The following ANTXR1 variants were observed in gnomAD, a reference collection of about 807,000 sequenced individuals.
ANTXR1 encodes ANTXR cell adhesion molecule 1, also known as anthrax toxin receptor 1.
In ANTXR1, 19 loss-of-function variants were observed where a neutral mutation model predicts 78.1. The ratio of observed to expected loss-of-function variants is 0.24; its 90% CI spans 0.17 to 0.36. The LOEUF is 0.36. Among genes scored for constraint, ANTXR1 ranks in the 10% least tolerant of loss-of-function variants. The pLI is 1.00. For synonymous variants in ANTXR1, 273 were observed against 260.5 expected, an observed-to-expected ratio of 1.05 and a Z score of -0.46; for missense variants, 518 against 718.6, an observed-to-expected ratio of 0.72 and a Z score of 3.19.
At position 69,225,971 on chromosome 2, in the gene ANTXR1, A is replaced by G. The variant is rs114863779; in HGVS notation, c.1435-19254A>G. Among the ~76,000 whole-genome samples the G allele has an allele frequency of 3.5e-3, 530 of 152,298 alleles. 4 individuals are homozygous for G. The highest frequency in any genetic ancestry group is 0.012 in the African/African-American group (506 of 41,544). On this transcript the variant is annotated intron_variant, in intron 17 of 17. Coordinates refer to ENST00000303714, the MANE Select transcript of ANTXR1 (RefSeq NM_032208.3). ...CTATTGGGCTTTTTGCTTATTCATA[A>G]TTTCAACCACTGCATAGCTAAGACT...
chr2:69,075,778 C>A, intron 7 of ANTXR1, 120 bp downstream of exon 7: 1 of 938,794 alleles, frequency 1.1e-6, no homozygotes, highest in Non-Finnish European at 1.7e-6. Context: ...GGTTATTTTT[C>A]TAGAAATGCT....
intron 17 of ANTXR1, among the ~76,000 whole-genome samples, chr2:69,237,367 C>T (rs896510584): frequency 6.6e-6 from 1 of 152,136 alleles, no homozygotes; most frequent in South Asian, 2.1e-4. Flanking sequence ...AAAAGGGAGC[C>T]GAGAAGGATC....
chr2:69,178,074 C>T (rs1014217603), intron 14 of ANTXR1, among the ~76,000 whole-genome samples: 2 of 152,270 alleles, frequency 1.3e-5, no homozygotes, highest in South Asian at 4.1e-4. Flanking sequence ...CCTTGAAGGG[C>T]AGTGTAGGAG....
chr2:69,132,680 T>A (rs35461269), intron 12 of ANTXR1, among the ~76,000 whole-genome samples: 28,719 of 152,208 alleles, frequency 0.19, 3,187 homozygotes, highest in East Asian at 0.42. Context: ...ATCAAGTGGG[T>A]AGCTGTCTTT....
intron 12 of ANTXR1, among the ~76,000 whole-genome samples, chr2:69,148,916 G>A (rs748225365): frequency 6.6e-6 from 1 of 152,158 alleles, no homozygotes; most frequent in Non-Finnish European, 1.5e-5. Context: ...GTATTTCCTG[G>A]TTCTGCTCAA....
At chr2:69,167,391 G>A (rs1673857033) in intron 13 of ANTXR1, among the ~76,000 whole-genome samples, 1 of 152,222 alleles carries the variant, frequency 6.6e-6, no homozygotes, top group Admixed American at 6.5e-5. Flanking sequence ...GCTCCTCCAG[G>A]CAACACAGAC....
chr2:69,198,392 C>T (rs1408972700), intron 17 of ANTXR1, among the ~76,000 whole-genome samples: 2 of 152,080 alleles, frequency 1.3e-5, no homozygotes, highest in African/African-American at 2.4e-5. Flanking sequence ...TGACTTGGCT[C>T]ATTTTTCCAC....
intron 16 of ANTXR1, among the ~76,000 whole-genome samples, chr2:69,186,930 C>T (rs1468226652): frequency 6.6e-6 from 1 of 152,156 alleles, no homozygotes; most frequent in Admixed American, 6.5e-5. Context: ...GTGACCCATC[C>T]ACTCGCTGCC....
intron 8 of ANTXR1, among the ~76,000 whole-genome samples, chr2:69,083,103 G>A (rs532532887): frequency 3.9e-5 from 6 of 152,276 alleles, no homozygotes; most frequent in Non-Finnish European, 8.8e-5. Context: ...GGGAAGCAAT[G>A]TAATCCCCTA....
In ANTXR1 at chr2:69,136,919, C is replaced by T. The variant is rs565295449; in HGVS notation, c.951+12276C>T. Among the ~76,000 whole-genome samples, 31 of 152,270 alleles carry T rather than the reference C, an allele frequency of 2.0e-4. No individual in the cohort carries two copies. The East Asian group carries it at 5.8e-3, about 28-fold the overall frequency. On this transcript the variant is annotated intron_variant, in intron 12 of 17. Transcript: ENST00000303714. ...TCTGGATGGGAAGATAAGCTGAAGTCAATGCTGTCATGGGTTCTGGGTAGT... is the reference window on the plus strand; with the variant it reads ...TCTGGATGGGAAGATAAGCTGAAGTTAATGCTGTCATGGGTTCTGGGTAGT...
At chr2:69,033,225 A>T (rs6546473) in intron 1 of ANTXR1, among the ~76,000 whole-genome samples, 5 of 152,012 alleles carry the variant, frequency 3.3e-5, no homozygotes, top group Non-Finnish European at 5.9e-5. Context: ...GTCTGTATTG[A>T]TGTCTAAAGA....
intron 17 of ANTXR1, among the ~76,000 whole-genome samples, chr2:69,240,596 A>G (rs1349799910): frequency 6.6e-6 from 1 of 152,206 alleles, no homozygotes; most frequent in Non-Finnish European, 1.5e-5. Context: ...CAATCGTTTG[A>G]CTATGTCAAG....
intron 1 of ANTXR1, among the ~76,000 whole-genome samples, chr2:69,014,468 G>T (rs1670963587): frequency 6.6e-6 from 1 of 152,190 alleles, no homozygotes; most frequent in Non-Finnish European, 1.5e-5. Context: ...AGGTGCAGGA[G>T]CCCTGGTTTC....
At chr2:69,167,344 C>T (rs1001012757) in intron 13 of ANTXR1, among the ~76,000 whole-genome samples, 5 of 152,204 alleles carry the variant, frequency 3.3e-5, no homozygotes, top group Admixed American at 3.3e-4. Context: ...GCCATGGTGC[C>T]GCAGGCTACA....
intron 1 of ANTXR1, among the ~76,000 whole-genome samples, chr2:69,039,026 TAAATAA>T (rs1203533801): frequency 6.6e-6 from 1 of 152,118 alleles, no homozygotes; most frequent in Non-Finnish European, 1.5e-5. Flanking sequence ...GAGTGCATAA[TAAATAA>T]AAATAATCAG....
chr2:69,213,335 ATC>A (rs751529622), intron 17 of ANTXR1, among the ~76,000 whole-genome samples: 4 of 152,148 alleles, frequency 2.6e-5, no homozygotes, highest in African/African-American at 4.8e-5. Flanking sequence ...GCAGCCTATA[ATC>A]TCTTTGTCAG....
At chr2:69,042,924 G>C (rs1343646806) in intron 2 of ANTXR1, among the ~76,000 whole-genome samples, 1 of 152,092 alleles carries the variant, frequency 6.6e-6, no homozygotes, top group Non-Finnish European at 1.5e-5. Flanking sequence ...GCCTCAGCCA[G>C]CCCTTCCCAT....
intron 14 of ANTXR1, among the ~76,000 whole-genome samples, chr2:69,174,852 T>G (rs1327921032): frequency 6.6e-6 from 1 of 152,236 alleles, no homozygotes; most frequent in Non-Finnish European, 1.5e-5. Flanking sequence ...ATTTTATCAT[T>G]CAGCAGCCCT....
chr2:69,183,606 C>T (rs1674339124), intron 16 of ANTXR1, among the ~76,000 whole-genome samples: 2 of 110,052 alleles, frequency 1.8e-5, no homozygotes, highest in African/African-American at 4.0e-5. Context: ...TTTTGAGGGA[C>T]GGATTTCACT....
Sources: gnomAD v4.1 joint callset for allele counts (sites outside exome capture counted in the v4.1 genomes callset) on GRCh38, gnomAD v4.1.1 for gene constraint, MANE v1.5 for transcripts, NCBI Gene and HGNC (gene_info 2026-07-23, HGNC 2026-07-21) for gene names.